Variants in DAB2IP observed in about 807,000 individuals in gnomAD.
DAB2IP encodes DAB2 interacting protein, also known as disabled homolog 2-interacting protein.
A neutral mutation model predicts 107.2 loss-of-function variants in DAB2IP; 28 were observed. That is an observed-to-expected ratio of 0.26 (90% CI 0.19 to 0.36). The LOEUF (loss-of-function observed/expected upper bound fraction) is 0.36, where lower values mean the gene tolerates loss of function less well. Ranked by LOEUF, DAB2IP falls within the 10% of genes least tolerant of loss-of-function variation. The pLI is 1.00. For missense variants in DAB2IP, 1,400 were observed against 1,644.7 expected, an observed-to-expected ratio of 0.85 and a Z score of 2.57; for synonymous variants, 755 against 706.4, an observed-to-expected ratio of 1.07 and a Z score of -1.09.
chr9:121,716,747 G>A (rs1830623444), intron 3 of DAB2IP, among the ~76,000 whole-genome samples: 2 of 152,142 alleles, frequency 1.3e-5, no homozygotes, highest in African/African-American at 2.4e-5. Flanking sequence ...GGAATGTGAT[G>A]GGGAAACAAG....
Position 121,699,560 on chromosome 9 carries a change from G to A in DAB2IP, c.362+102G>A, listed in dbSNP as rs1424997107. On this transcript the variant is annotated intron_variant, in intron 3 of 15. Transcript: ENST00000408936. The surrounding 1 kb of genome is among the most constrained non-coding windows in gnomAD (Gnocchi z 6.2). ...GAGCCCGGCCCGGGGCGAGCCACAC[G>A]GCGGTGGGGGGACCCCACGCCGCCC... 56 of 1,046,690 alleles carry A rather than the reference G, an allele frequency of 5.4e-5. 1 individual carries two copies. Among genetic ancestry groups the A allele is most frequent in the South Asian group, 2.3e-4 (5 of 22,110 alleles). 64.8% of individuals were successfully genotyped at this position (1,046,690 alleles called of 1,614,324 possible). A position where few individuals can be genotyped will look rare whatever the true frequency, so the allele number is the denominator to read the frequency against.
At position 121,773,456 on chromosome 9, in the gene DAB2IP, G is replaced by T. The variant is rs1267362732; in HGVS notation, c.2928G>T (p.Gly976=). The change falls in exon 12 of 16, where the codon GGG becomes GGT. Residue 976 remains glycine, a synonymous_variant. Transcript: ENST00000408936. ...GGCAGCAGTCCTCTTCCTCCAAGGG[G>T]GACAGCCCAGAACTGAAGCCACGGG... 16 of 1,535,966 alleles carry T rather than the reference G, an allele frequency of 1.0e-5. No homozygotes were observed. The East Asian group carries it at 3.6e-4, about 35-fold the overall frequency.
chr9:121,618,879 C>T (rs984032440), intron 1 of DAB2IP, among the ~76,000 whole-genome samples: 3 of 152,136 alleles, frequency 2.0e-5, no homozygotes, highest in South Asian at 2.1e-4. Context: ...GCTGTGTGTA[C>T]GGCATCCCTA....
rs1832762206 is a variant in DAB2IP at position 121,651,980 on chromosome 9, G to C, written c.124+81G>C. On this transcript the variant is annotated intron_variant, in intron 1 of 15. Coordinates refer to ENST00000408936, the Ensembl canonical transcript of DAB2IP. The surrounding 1 kb of genome is among the most constrained non-coding windows in gnomAD (Gnocchi z 5.1). ...TGATGCCCTGGGATGCTAGGGACCG[G>C]GATCCTCCTTCCAGCCATTTGCCGG... is the stretch of plus-strand genomic sequence containing the variant. 6 of 1,167,456 alleles carry C rather than the reference G, an allele frequency of 5.1e-6. No homozygotes were observed. The highest frequency in any genetic ancestry group is 6.5e-6 in the Non-Finnish European group (6 of 925,774). 72.3% of individuals were successfully genotyped at this position (1,167,456 alleles called of 1,614,324 possible).
At chr9:121,640,631 CAG>C (rs1832251845) in intron 1 of DAB2IP, among the ~76,000 whole-genome samples, 1 of 152,192 alleles carries the variant, frequency 6.6e-6, no homozygotes, top group East Asian at 1.9e-4. Context: ...AGTTCAGCAT[CAG>C]AGTCAGGAGG....
At chr9:121,627,166 CACAA>C (rs1251222808) in intron 1 of DAB2IP, among the ~76,000 whole-genome samples, 10 of 151,698 alleles carry the variant, frequency 6.6e-5, no homozygotes, top group African/African-American at 2.4e-4. Context: ...CACACACACA[CACAA>C]GCATATGTAA....
intron 4 of DAB2IP, among the ~76,000 whole-genome samples, chr9:121,757,955 G>GA (rs1307489412): frequency 1.3e-5 from 2 of 152,184 alleles, no homozygotes; most frequent in South Asian, 2.1e-4. Flanking sequence ...CAGCCCTGGG[G>GA]AAAAAACAGA....
At chr9:121,630,489 C>G (rs1264588108) in intron 1 of DAB2IP, among the ~76,000 whole-genome samples, 1 of 151,100 alleles carries the variant, frequency 6.6e-6, no homozygotes, top group Non-Finnish European at 1.5e-5. Context: ...TGTGCCACTG[C>G]ACTCCAGCCT....
upstream of DAB2IP, among the ~76,000 whole-genome samples, chr9:121,649,098 C>A (rs976122076): frequency 2.6e-5 from 4 of 152,188 alleles, no homozygotes; most frequent in Admixed American, 2.6e-4. Flanking sequence ...GCCCTGCCCC[C>A]TTCCCACTCA....
At chr9:121,726,082 G>A (rs1831224580) in intron 3 of DAB2IP, among the ~76,000 whole-genome samples, 1 of 152,298 alleles carries the variant, frequency 6.6e-6, no homozygotes, top group Non-Finnish European at 1.5e-5. Flanking sequence ...GCCCCTAGGT[G>A]GCTTCAGAAA....
intron 2 of DAB2IP, among the ~76,000 whole-genome samples, chr9:121,697,976 G>A (rs922192884): frequency 6.6e-6 from 1 of 152,180 alleles, no homozygotes; most frequent in Non-Finnish European, 1.5e-5. Flanking sequence ...GTCATTTTCT[G>A]TCTGTGCGGG....
At chr9:121,757,853 A>G (rs553441487) in intron 4 of DAB2IP, among the ~76,000 whole-genome samples, 1 of 152,334 alleles carries the variant, frequency 6.6e-6, no homozygotes, top group South Asian at 2.1e-4. Flanking sequence ...CCCAATAATC[A>G]TGCATAACTA....
At chr9:121,737,606 G>A (rs543741347) in intron 3 of DAB2IP, 1 of 985,432 alleles carries the variant, frequency 1.0e-6, no homozygotes, top group African/African-American at 1.7e-5. Flanking sequence ...CGGAGGGGCT[G>A]CTCACTGGAG....
At chr9:121,678,821 C>T in intron 2 of DAB2IP, 40 bp downstream of exon 2, 3 of 1,517,812 alleles carry the variant, frequency 2.0e-6, no homozygotes, top group East Asian at 2.6e-5. Flanking sequence ...ACTGCCACCA[C>T]CATCACCACC....
rs377424901 is a variant in DAB2IP at position 121,678,705 on chromosome 9, G to T, written c.152G>T (p.Arg51Leu). 2.6e-5 allele frequency: 42 copies of T among 1,587,852 alleles called. No individual in the cohort carries two copies. In the African/African-American group the frequency reaches 4.9e-4, roughly 18 times the overall value. The change falls in exon 2 of 16, where the codon CGG (arginine) becomes CTG (leucine). Residue 51 changes from arginine (R) to leucine (L), a missense_variant. Physicochemically the swap from Arg to Leu is moderately radical, Grantham distance 102. This residue lies in a region of DAB2IP where 283 missense variants were observed against 237.0 expected (regional missense o/e 1.19). Coordinates refer to ENST00000408936, the Ensembl canonical transcript of DAB2IP. Reference sequence around the variant, plus strand: ...TCGCCTCAAGAAAGGCCGGGCTCTCGGCGCAGCCTGCCTGGCAGCCTTTCC... The same window carrying T: ...TCGCCTCAAGAAAGGCCGGGCTCTCTGCGCAGCCTGCCTGGCAGCCTTTCC...
chr9:121,582,356 C>T (rs1299811627), intron 1 of DAB2IP, among the ~76,000 whole-genome samples: 1 of 152,134 alleles, frequency 6.6e-6, no homozygotes, highest in East Asian at 1.9e-4. Flanking sequence ...TTCCTTCTGT[C>T]CCCATGCTGA....
chr9:121,588,806 A>T (rs191458200), intron 1 of DAB2IP, among the ~76,000 whole-genome samples: 46 of 151,786 alleles, frequency 3.0e-4, no homozygotes, highest in Admixed American at 2.8e-3. Context: ...TGGATGTAGG[A>T]CACCCCAGGA....
upstream of DAB2IP, among the ~76,000 whole-genome samples, chr9:121,650,369 A>C (rs1224540234): frequency 6.6e-6 from 1 of 152,168 alleles, no homozygotes; most frequent in South Asian, 2.1e-4. Context: ...GCTGGCTGAG[A>C]GCGCTAGGGA....
intron 2 of DAB2IP, among the ~76,000 whole-genome samples, chr9:121,694,190 A>G (rs1829302511): frequency 6.6e-6 from 1 of 152,100 alleles, no homozygotes; most frequent in South Asian, 2.1e-4. Context: ...AGAGCTGTCC[A>G]TCTGTTTCCC....
Sources: allele counts gnomAD v4.1 joint callset (sites outside exome capture counted in the v4.1 genomes callset), GRCh38; gene constraint gnomAD v4.1.1; regional missense constraint gnomAD v4.1.1; non-coding constraint Gnocchi (gnomAD v3.1); transcripts MANE v1.5; gene names NCBI Gene and HGNC (gene_info 2026-07-23, HGNC 2026-07-21).